Variants in SPMIP2 observed in about 807,000 individuals in gnomAD.
SPMIP2 encodes the protein protein SPMIP2.
At chr4:158,903,620 G>A in the SPMIP2 span, among the ~76,000 whole-genome samples, 11 of 152,020 alleles carry the variant, frequency 7.2e-5, no homozygotes, top group South Asian at 2.1e-4. Flanking sequence ...CCTTCCTCCC[G>A]TAGTCAGGGC....
chr4:158,906,709 A>G, the SPMIP2 span: 2 of 152,214 alleles, frequency 1.3e-5, no homozygotes, highest in South Asian at 4.1e-4. Flanking sequence ...TGCCTACAAA[A>G]ATAGACCAAG....
the SPMIP2 span, among the ~76,000 whole-genome samples, chr4:158,971,858 A>C: frequency 6.6e-6 from 1 of 152,244 alleles, no homozygotes; most frequent in Non-Finnish European, 1.5e-5. Flanking sequence ...CCAAGGCCAT[A>C]CACAGCTAGT....
At chr4:159,005,961 C>T in the SPMIP2 span, among the ~76,000 whole-genome samples, 4 of 152,264 alleles carry the variant, frequency 2.6e-5, no homozygotes, top group South Asian at 6.2e-4. Context: ...GACAGAGTTT[C>T]GCCATGTTGG....
chr4:158,973,350 TTATTC>T, the SPMIP2 span: 7 of 1,281,248 alleles, frequency 5.5e-6, no homozygotes, highest in African/African-American at 7.4e-5. Context: ...TCTCCACACT[TTATTC>T]TAAGATACTT....
chr4:158,967,693 C>T, the SPMIP2 span, among the ~76,000 whole-genome samples: 1 of 152,086 alleles, frequency 6.6e-6, no homozygotes, highest in Non-Finnish European at 1.5e-5. Context: ...AGATGAACCC[C>T]AAGGTAAATG....
chr4:158,933,706 A>G, the SPMIP2 span, among the ~76,000 whole-genome samples: 1 of 151,152 alleles, frequency 6.6e-6, no homozygotes, highest in Non-Finnish European at 1.5e-5. Context: ...TCTACCTCTA[A>G]TATTATTTCA....
chr4:158,944,301 GTC>G, the SPMIP2 span, among the ~76,000 whole-genome samples: 1 of 151,168 alleles, frequency 6.6e-6, no homozygotes, highest in African/African-American at 2.4e-5. Flanking sequence ...TTCTCACCAA[GTC>G]TCTGTCTTGG....
chr4:158,928,243 G>T, the SPMIP2 span, among the ~76,000 whole-genome samples: 1 of 152,184 alleles, frequency 6.6e-6, no homozygotes, highest in Admixed American at 6.5e-5. Context: ...ACTGTGTCTA[G>T]CTCAGGGTTT....
At chr4:158,956,522 C>G in the SPMIP2 span, among the ~76,000 whole-genome samples, 1 of 152,142 alleles carries the variant, frequency 6.6e-6, no homozygotes, top group Non-Finnish European at 1.5e-5. Context: ...GAGATCGCGC[C>G]GTTGCACTCC....
At chr4:158,983,188 G>T in the SPMIP2 span, among the ~76,000 whole-genome samples, 1 of 152,134 alleles carries the variant, frequency 6.6e-6, no homozygotes, top group East Asian at 1.9e-4. Context: ...TGTCTGATTG[G>T]TGTACCTGAA....
chr4:158,969,687 G>T, the SPMIP2 span, among the ~76,000 whole-genome samples: 1 of 152,158 alleles, frequency 6.6e-6, no homozygotes, highest in Non-Finnish European at 1.5e-5. Context: ...CCATTCCCAG[G>T]TAGGAGGCAG....
At chr4:159,022,660 A>G in the SPMIP2 span, among the ~76,000 whole-genome samples, 1 of 152,178 alleles carries the variant, frequency 6.6e-6, no homozygotes, top group African/African-American at 2.4e-5. Flanking sequence ...TCTTATGCAT[A>G]TTACATCTTG....
chr4:159,045,224 T>C, the SPMIP2 span, among the ~76,000 whole-genome samples: 1 of 152,052 alleles, frequency 6.6e-6, no homozygotes, highest in Non-Finnish European at 1.5e-5. Context: ...AAGATAAAAA[T>C]ATTCCAGATA....
chr4:158,950,416 G>A, the SPMIP2 span, among the ~76,000 whole-genome samples: 2 of 152,134 alleles, frequency 1.3e-5, no homozygotes, highest in Non-Finnish European at 1.5e-5. Flanking sequence ...AGCCATTTGA[G>A]CTGTTAGGCA....
chr4:158,915,111 TTA>T, the SPMIP2 span: 2 of 1,441,050 alleles, frequency 1.4e-6, no homozygotes, highest in Non-Finnish European at 1.9e-6. Flanking sequence ...TGTCCCTGAT[TTA>T]TATGTTAAAG....
At chr4:158,944,234 C>T in the SPMIP2 span, among the ~76,000 whole-genome samples, 1 of 152,024 alleles carries the variant, frequency 6.6e-6, no homozygotes, top group Non-Finnish European at 1.5e-5. Context: ...TCATACCTCC[C>T]ACCCATCCCT....
At chr4:158,989,685 A>T in the SPMIP2 span, among the ~76,000 whole-genome samples, 3 of 152,258 alleles carry the variant, frequency 2.0e-5, no homozygotes, top group Non-Finnish European at 4.4e-5. Flanking sequence ...CATATGCAGA[A>T]AACTGAAACT....
the SPMIP2 span, among the ~76,000 whole-genome samples, chr4:158,893,871 T>G: frequency 6.6e-6 from 1 of 152,220 alleles, no homozygotes; most frequent in Non-Finnish European, 1.5e-5. Flanking sequence ...TTTTACTTCC[T>G]TTGGACAGAA....
chr4:158,914,953 C>A, the SPMIP2 span, among the ~76,000 whole-genome samples: 1 of 152,172 alleles, frequency 6.6e-6, no homozygotes, highest in Non-Finnish European at 1.5e-5. Flanking sequence ...GAGGACACAA[C>A]CTCTTGTTTT....
Sources: allele counts gnomAD v4.1 joint callset (sites outside exome capture counted in the v4.1 genomes callset), GRCh38; gene constraint gnomAD v4.1.1; transcripts MANE v1.5; gene names NCBI Gene and HGNC (gene_info 2026-07-23, HGNC 2026-07-21).